Variants in RGS7BP observed in about 807,000 individuals in gnomAD.
RGS7BP encodes the protein regulator of G protein signaling 7-binding protein.
RGS7BP carries 9 observed loss-of-function variants against 31.3 expected under a neutral mutation model. The ratio of observed to expected loss-of-function variants is 0.29; its 90% confidence interval spans 0.17 to 0.50. RGS7BP has a LOEUF of 0.50. Ranked by LOEUF, RGS7BP falls within the 20% of genes least tolerant of loss-of-function variation. The pLI, the probability that RGS7BP is intolerant of heterozygous loss-of-function variation, is 0.98. For synonymous variants in RGS7BP, 115 were observed against 120.1 expected (o/e 0.96, Z 0.28); for missense variants, 274 against 322.0 (o/e 0.85, Z 1.14).
intron 3 of RGS7BP, among the ~76,000 whole-genome samples, chr5:64,589,192 T>G (rs775736260): frequency 7.9e-5 from 12 of 151,596 alleles, no homozygotes; most frequent in Non-Finnish European, 1.6e-4. Context: ...GCTACTCGGG[T>G]AGGTGAGACA....
chr5:64,580,138 G>A (rs1239677978), intron 3 of RGS7BP, among the ~76,000 whole-genome samples: 1 of 152,146 alleles, frequency 6.6e-6, no homozygotes, highest in Non-Finnish European at 1.5e-5. Context: ...TAGGTCCATA[G>A]ACCACAACCC....
chr5:64,580,058 C>T (rs1243394663), intron 3 of RGS7BP, among the ~76,000 whole-genome samples: 1 of 152,118 alleles, frequency 6.6e-6, no homozygotes, highest in South Asian at 2.1e-4. Context: ...CTTTGGGAGG[C>T]TGTGGTTAAA....
At chr5:64,516,104 G>A (rs1876734) in intron 2 of RGS7BP, among the ~76,000 whole-genome samples, 5,370 of 152,144 alleles carry the variant, frequency 0.035, 250 homozygotes, top group African/African-American at 0.11. Flanking sequence ...GCTCTCGACC[G>A]AAATAAATGT....
At position 64,548,891 on chromosome 5, in the gene RGS7BP, A is replaced by G. The variant is rs532201738; in HGVS notation, c.333-26883A>G. ...TTACTAAGTACCCTAATTACTTCCC[A>G]AAGACCTCATCACTAAATACCATCA... On this transcript the variant is annotated intron_variant, in intron 2 of 5. Transcript: ENST00000334025. 6.0e-5 allele frequency among the ~76,000 whole-genome samples: 9 copies of G among 150,356 alleles called. No homozygotes were observed. The South Asian group carries it at 1.7e-3, about 28-fold the overall frequency.
chr5:64,606,430 T>C (rs767864237), intron 5 of RGS7BP, among the ~76,000 whole-genome samples: 1 of 152,016 alleles, frequency 6.6e-6, no homozygotes, highest in Non-Finnish European at 1.5e-5. Context: ...ATTTAGAAAA[T>C]AGATCTTCCA....
At chr5:64,604,839 G>A (rs979259720) in intron 5 of RGS7BP, among the ~76,000 whole-genome samples, 3 of 152,024 alleles carry the variant, frequency 2.0e-5, no homozygotes, top group African/African-American at 7.2e-5. Context: ...GTGGTTTGGG[G>A]GAATTGCAGT....
intron 3 of RGS7BP, among the ~76,000 whole-genome samples, chr5:64,586,082 C>T (rs962459040): frequency 2.0e-5 from 3 of 152,158 alleles, no homozygotes; most frequent in Non-Finnish European, 4.4e-5. Context: ...TTTGGAAGCA[C>T]ATGTTGGCCT....
intron 5 of RGS7BP, among the ~76,000 whole-genome samples, chr5:64,606,467 A>C (rs189916505): frequency 7.5e-4 from 114 of 152,156 alleles, no homozygotes; most frequent in Non-Finnish European, 1.2e-3. Context: ...CACTATGAAG[A>C]TCTTTCTTTC....
intron 2 of RGS7BP, chr5:64,539,788 C>G (rs1442939899): frequency 6.6e-6 from 1 of 151,982 alleles, no homozygotes; most frequent in Non-Finnish European, 1.5e-5. Context: ...ATAGTGAAAC[C>G]CTCTTTTAAA....
chr5:64,537,219 T>C (rs1303979394), intron 2 of RGS7BP, among the ~76,000 whole-genome samples: 1 of 152,208 alleles, frequency 6.6e-6, no homozygotes. Context: ...AAGAATTCTC[T>C]TGGGCCACAC....
chr5:64,529,559 C>A (rs1181653723), intron 2 of RGS7BP, among the ~76,000 whole-genome samples: 1 of 152,082 alleles, frequency 6.6e-6, no homozygotes, highest in Admixed American at 6.5e-5. Flanking sequence ...GCCTGGGGAG[C>A]CTAAAAAAAT....
intron 2 of RGS7BP, among the ~76,000 whole-genome samples, chr5:64,568,311 C>T (rs4532312): frequency 6.6e-6 from 1 of 151,930 alleles, no homozygotes; most frequent in African/African-American, 2.4e-5. Context: ...AGACTAAGAC[C>T]TAAAGAGCTG....
At chr5:64,520,263 C>T (rs1046973249) in intron 2 of RGS7BP, among the ~76,000 whole-genome samples, 1 of 152,084 alleles carries the variant, frequency 6.6e-6, no homozygotes, top group Non-Finnish European at 1.5e-5. Flanking sequence ...CACAGGATTG[C>T]TTTCCTTCTT....
At chr5:64,592,622 G>T (rs1742949350) in intron 3 of RGS7BP, among the ~76,000 whole-genome samples, 1 of 152,066 alleles carries the variant, frequency 6.6e-6, no homozygotes, top group South Asian at 2.1e-4. Flanking sequence ...TGTCCCCATT[G>T]GAATAAAAGC....
At chr5:64,608,107 C>T (rs923956581) in intron 5 of RGS7BP, among the ~76,000 whole-genome samples, 3 of 152,004 alleles carry the variant, frequency 2.0e-5, no homozygotes, top group Admixed American at 1.3e-4. Context: ...CTAGTCTTGG[C>T]GGAGCTTAGG....
intron 2 of RGS7BP, among the ~76,000 whole-genome samples, chr5:64,529,928 T>C (rs1442172251): frequency 6.6e-6 from 1 of 152,230 alleles, no homozygotes; most frequent in Non-Finnish European, 1.5e-5. Flanking sequence ...GGCTGGACTT[T>C]TATACCAATT....
chr5:64,547,000 C>T (rs151152214), intron 2 of RGS7BP, among the ~76,000 whole-genome samples: 1 of 152,302 alleles, frequency 6.6e-6, no homozygotes, highest in African/African-American at 2.4e-5. Context: ...CATACTTTTG[C>T]CAGTTCTTAA....
chr5:64,527,606 T>TAAAAAAA (rs59081277), intron 2 of RGS7BP, among the ~76,000 whole-genome samples: 26 of 86,462 alleles, frequency 3.0e-4, no homozygotes, highest in Non-Finnish European at 5.0e-4. Context: ...CTTATAACAG[T>TAAAAAAA]AAAAAAAAAA....
intron 2 of RGS7BP, among the ~76,000 whole-genome samples, chr5:64,535,209 C>A (rs994630969): frequency 2.6e-5 from 4 of 152,108 alleles, no homozygotes; most frequent in Non-Finnish European, 5.9e-5. Flanking sequence ...GCTATTGGCC[C>A]ATCTACCAAG....
Sources: allele counts gnomAD v4.1 joint callset (sites outside exome capture counted in the v4.1 genomes callset), GRCh38; gene constraint gnomAD v4.1.1; transcripts MANE v1.5; gene names NCBI Gene and HGNC (gene_info 2026-07-23, HGNC 2026-07-21).